IKZF2: variants seen among roughly 807,000 people sequenced by gnomAD.
IKZF2 encodes the protein zinc finger protein Helios.
Under a neutral mutation model 49.2 loss-of-function variants are expected in IKZF2, and 15 were observed. The observed-to-expected ratio is 0.30, with a 90% confidence interval of 0.20 to 0.47. The LOEUF (loss-of-function observed/expected upper bound fraction) is 0.47, where lower values mean the gene tolerates loss of function less well. Ranked by LOEUF, IKZF2 falls within the 20% of genes least tolerant of loss-of-function variation. The pLI, the probability that IKZF2 is intolerant of heterozygous loss-of-function variation, is 1.00. For synonymous variants in IKZF2, 227 were observed against 221.4 expected, an observed-to-expected ratio of 1.03 and a Z score of -0.23; for missense variants, 567 against 664.6, an observed-to-expected ratio of 0.85 and a Z score of 1.61.
intron 4 of IKZF2, among the ~76,000 whole-genome samples, chr2:213,072,068 T>G (rs764679453): frequency 8.5e-5 from 13 of 152,102 alleles, no homozygotes; most frequent in Non-Finnish European, 1.3e-4. Context: ...ATGCTGATAA[T>G]AGTTGCAAGC....
intron 7 of IKZF2, among the ~76,000 whole-genome samples, chr2:213,015,582 CAGT>C (rs1696492330): frequency 6.6e-6 from 1 of 151,932 alleles, no homozygotes. Context: ...AAGAATGGCA[CAGT>C]GGTGGTGGTG....
chr2:213,150,702 A>AGG (rs368805396), intron 1 of IKZF2, among the ~76,000 whole-genome samples: 694 of 39,692 alleles, frequency 0.017, 44 homozygotes, highest in African/African-American at 0.058. Flanking sequence ...CTGAAAGAAA[A>AGG]GGGGGGGGGG....
intron 4 of IKZF2, among the ~76,000 whole-genome samples, chr2:213,129,285 G>T (rs1018950495): frequency 6.7e-6 from 1 of 148,818 alleles, no homozygotes; most frequent in African/African-American, 2.5e-5. Flanking sequence ...AATAAAACAG[G>T]ATAATGTCAT....
At chr2:213,036,189 C>G (rs1249585199) in intron 6 of IKZF2, among the ~76,000 whole-genome samples, 1 of 151,932 alleles carries the variant, frequency 6.6e-6, no homozygotes, top group East Asian at 1.9e-4. Context: ...TGTTTGAAAT[C>G]TAATCCAATA....
At chr2:213,128,078 CTTG>C (rs1413803106) in intron 4 of IKZF2, among the ~76,000 whole-genome samples, 1 of 152,054 alleles carries the variant, frequency 6.6e-6, no homozygotes, top group African/African-American at 2.4e-5. Context: ...AGGATGCAAA[CTTG>C]TTTTGTTTGT....
intron 4 of IKZF2, among the ~76,000 whole-genome samples, chr2:213,123,957 G>A (rs911421091): frequency 2.0e-5 from 3 of 150,474 alleles, no homozygotes; most frequent in African/African-American, 7.3e-5. Context: ...AAAAAGCAGT[G>A]ACATTTCAGA....
chr2:213,150,359 A>G (rs2061239197), intron 1 of IKZF2, 112 bp from the exon 2 acceptor site: 4 of 361,652 alleles, frequency 1.1e-5, no homozygotes, highest in Non-Finnish European at 2.2e-5. Context: ...GGGGAGGAGG[A>G]AGGAAAAGCA....
intron 4 of IKZF2, among the ~76,000 whole-genome samples, chr2:213,144,263 C>T (rs1243894036): frequency 6.6e-6 from 1 of 151,854 alleles, no homozygotes; most frequent in Admixed American, 6.6e-5. Flanking sequence ...AGTTGATCCA[C>T]TTAACAGCTT....
chr2:213,087,455 A>G (rs761779511), intron 4 of IKZF2, among the ~76,000 whole-genome samples: 6 of 152,216 alleles, frequency 3.9e-5, no homozygotes, highest in Non-Finnish European at 8.8e-5. Context: ...GTGTGTGTGT[A>G]TATATGTATA....
intron 4 of IKZF2, among the ~76,000 whole-genome samples, chr2:213,079,372 G>T (rs780236778): frequency 7.3e-6 from 1 of 137,690 alleles, no homozygotes; most frequent in African/African-American, 2.7e-5. Flanking sequence ...CAATAGAAAA[G>T]AAAAAAGAAG....
intron 4 of IKZF2, among the ~76,000 whole-genome samples, chr2:213,066,088 G>C (rs1474153302): frequency 6.6e-6 from 1 of 152,020 alleles, no homozygotes; most frequent in East Asian, 1.9e-4. Flanking sequence ...AACTGTAAGA[G>C]GCTTGTGAAG....
In IKZF2 at chr2:213,007,607, T is replaced by A; in HGVS notation, c.1334A>T (p.Asp445Val). 6.2e-7 allele frequency: 1 copy of A among 1,613,734 alleles called. No homozygotes were observed. Among genetic ancestry groups the A allele is most frequent in the Middle Eastern group, 1.7e-4 (1 of 6,052 alleles). ...AYMKEDVKALDTTKAPKGSLK... is the reference protein window; with the variant it reads ...AYMKEDVKALVTTKAPKGSLK... Reference sequence around the variant, plus strand: ...AGAGCCCTTAGGAGCCTTGGTAGTATCCAAAGCTTTGACATCCTCCTTCAT... The same window carrying A: ...AGAGCCCTTAGGAGCCTTGGTAGTAACCAAAGCTTTGACATCCTCCTTCAT... Residue 445 changes from aspartate to valine, a missense_variant, in exon 9 of 9, where the codon GAT (aspartate) becomes GTT (valine). By Grantham distance (152) the Asp-to-Val change is radical (BLOSUM62 -3). Around this residue, in one of 5 missense-constraint regions of IKZF2, gnomAD observed 310 missense variants for 326.9 expected, o/e 0.95. Transcript: ENST00000434687.
intron 4 of IKZF2, among the ~76,000 whole-genome samples, chr2:213,127,688 C>T (rs767961873): frequency 4.6e-5 from 7 of 152,146 alleles, no homozygotes; most frequent in Non-Finnish European, 8.8e-5. Context: ...TAATCCAACC[C>T]AAATAAAAGT....
At chr2:213,102,790 A>G (rs1159731581) in intron 4 of IKZF2, among the ~76,000 whole-genome samples, 1 of 152,084 alleles carries the variant, frequency 6.6e-6, no homozygotes, top group Non-Finnish European at 1.5e-5. Context: ...TTTTTTTAAA[A>G]AGAAGTGCTT....
rs745752455 is a variant in IKZF2 at position 213,006,565 on chromosome 2, A to C, written c.*795T>G. The C allele has an allele frequency of 5.2e-5, 8 of 152,454 alleles. No homozygotes were observed. The highest frequency in any genetic ancestry group is 1.2e-4 in the Non-Finnish European group (8 of 67,984). The allele number at this position is 152,454 out of a possible 1,614,324, so 9.4% of individuals were successfully genotyped here. A position where few individuals can be genotyped will look rare whatever the true frequency, so the allele number is the denominator to read the frequency against. ...TGCCTTTTATCCACTCTTAGACCAT[A>C]TGTTATTCTGAAAACTACATAAAAA... is the stretch of plus-strand genomic sequence containing the variant. On this transcript the variant is annotated 3_prime_UTR_variant, in exon 9 of 9. Coordinates refer to ENST00000434687, the MANE Select transcript of IKZF2 (RefSeq NM_001387220.1).
chr2:212,999,712 G>C lies in IKZF2; in HGVS notation c.*7648C>G, dbSNP rs1694726804. On this transcript the variant is annotated 3_prime_UTR_variant, in exon 9 of 9. Coordinates refer to ENST00000434687, the MANE Select transcript of IKZF2 (RefSeq NM_001387220.1). ...TTATAGCAAACTTTTTATGTCAGAA[G>C]TTTATTTTATTGGTAAAATATTAAA... 6.6e-6 allele frequency: 1 copy of C among 152,296 alleles called. No homozygotes were observed. The highest frequency in any genetic ancestry group is 2.4e-5 in the African/African-American group (1 of 41,420). The allele number at this position is 152,296 out of a possible 1,614,324, so 9.4% of individuals were successfully genotyped here. A position where few individuals can be genotyped will look rare whatever the true frequency, so the allele number is the denominator to read the frequency against.
At chr2:213,124,251 C>T (rs1193495852) in intron 4 of IKZF2, among the ~76,000 whole-genome samples, 5 of 97,312 alleles carry the variant, frequency 5.1e-5, no homozygotes, top group South Asian at 7.2e-4. Context: ...CGCGCGCGCG[C>T]GCACACACAC....
At chr2:213,009,238 A>G (rs1008903293) in intron 8 of IKZF2, among the ~76,000 whole-genome samples, 3 of 152,124 alleles carry the variant, frequency 2.0e-5, no homozygotes, top group African/African-American at 7.2e-5. Flanking sequence ...TTACATCAAC[A>G]TAATGTCTGA....
chr2:213,135,134 A>C (rs1181263829), intron 4 of IKZF2, among the ~76,000 whole-genome samples: 1 of 152,240 alleles, frequency 6.6e-6, no homozygotes, highest in East Asian at 1.9e-4. Flanking sequence ...GGAATTTTAA[A>C]TTGATGAATA....
Sources: allele counts gnomAD v4.1 joint callset (sites outside exome capture counted in the v4.1 genomes callset), GRCh38; gene constraint gnomAD v4.1.1; regional missense constraint gnomAD v4.1.1; transcripts MANE v1.5; gene names NCBI Gene and HGNC (gene_info 2026-07-23, HGNC 2026-07-21).